Variants in LINGO2 observed in about 807,000 individuals in gnomAD.
LINGO2 encodes leucine rich repeat and Ig domain containing 2.
In LINGO2, 14 loss-of-function variants were observed where a neutral mutation model predicts 30.6. That is an observed-to-expected ratio of 0.46 (90% confidence interval 0.30 to 0.72). LINGO2 has a LOEUF of 0.72. Ranked by LOEUF, LINGO2 falls within the 30% of genes least tolerant of loss-of-function variation. LINGO2 has a pLI of 0.07. For missense variants in LINGO2, 729 were observed against 751.7 expected (o/e 0.97, Z 0.35); for synonymous variants, 317 against 288.5 (o/e 1.10, Z -1.00).
intron 3 of LINGO2, among the ~76,000 whole-genome samples, chr9:28,305,833 G>C (rs1165937601): frequency 6.6e-6 from 1 of 151,878 alleles, no homozygotes; most frequent in Admixed American, 6.6e-5. Context: ...CATTCATCTG[G>C]TCTTTAATTT....
At chr9:29,149,337 T>C in the LINGO2 span, among the ~76,000 whole-genome samples, 2 of 151,754 alleles carry the variant, frequency 1.3e-5, no homozygotes, top group Admixed American at 6.6e-5. Context: ...AATAAATAAA[T>C]AGGAGGAGAA....
intron 1 of LINGO2, among the ~76,000 whole-genome samples, chr9:28,550,201 T>C (rs902178009): frequency 5.3e-5 from 8 of 151,882 alleles, no homozygotes; most frequent in Admixed American, 3.3e-4. Context: ...CAGTTCTCAT[T>C]TTCACTACTT....
intron 1 of LINGO2, among the ~76,000 whole-genome samples, chr9:28,538,626 G>A (rs916274267): frequency 6.6e-6 from 1 of 152,176 alleles, no homozygotes; most frequent in African/African-American, 2.4e-5. Context: ...CAGAGGCTAC[G>A]AAGTCCAAGT....
chr9:29,117,376 T>A, the LINGO2 span, among the ~76,000 whole-genome samples: 1 of 152,142 alleles, frequency 6.6e-6, no homozygotes, highest in Non-Finnish European at 1.5e-5. Context: ...TCCACCATAG[T>A]CAATTTTATA....
At chr9:28,941,928 A>G in the LINGO2 span, among the ~76,000 whole-genome samples, 7 of 152,160 alleles carry the variant, frequency 4.6e-5, no homozygotes, top group Admixed American at 3.9e-4. Context: ...TAAGTTTAAC[A>G]CCTGAAAGAA....
chr9:28,448,243 G>T (rs1824506007), intron 2 of LINGO2, among the ~76,000 whole-genome samples: 1 of 152,108 alleles, frequency 6.6e-6, no homozygotes, highest in Non-Finnish European at 1.5e-5. Flanking sequence ...ATACTTTCTG[G>T]GTTGACAGCA....
the LINGO2 span, chr9:27,938,590 G>A: frequency 3.3e-5 from 5 of 152,276 alleles, no homozygotes; most frequent in East Asian, 9.7e-4. Flanking sequence ...CCTGAGAGTG[G>A]ATCATTAAAG....
At chr9:28,545,194 T>C (rs1432251679) in intron 1 of LINGO2, among the ~76,000 whole-genome samples, 1 of 152,074 alleles carries the variant, frequency 6.6e-6, no homozygotes, top group Non-Finnish European at 1.5e-5. Flanking sequence ...CCGATAAGGA[T>C]TTTAACTGAA....
the LINGO2 span, among the ~76,000 whole-genome samples, chr9:28,733,889 C>G: frequency 6.6e-6 from 1 of 152,004 alleles, no homozygotes; most frequent in Non-Finnish European, 1.5e-5. Context: ...CGATTTTGCC[C>G]TAAGTACTAT....
chr9:28,753,627 A>C, the LINGO2 span, among the ~76,000 whole-genome samples: 2 of 152,078 alleles, frequency 1.3e-5, no homozygotes, highest in Non-Finnish European at 2.9e-5. Context: ...ACCCGAAACA[A>C]GAAAGTAAAT....
intron 4 of LINGO2, among the ~76,000 whole-genome samples, chr9:28,189,832 G>A (rs1471145081): frequency 1.3e-5 from 2 of 152,198 alleles, no homozygotes; most frequent in East Asian, 1.9e-4. Context: ...CAGCCACTCT[G>A]GTTCTGTGTG....
At chr9:28,794,260 C>T in the LINGO2 span, among the ~76,000 whole-genome samples, 3 of 152,138 alleles carry the variant, frequency 2.0e-5, no homozygotes, top group Non-Finnish European at 2.9e-5. Context: ...GCCGAGATCG[C>T]GCCACTGCAC....
At chr9:28,032,043 G>C (rs1032306235) in intron 4 of LINGO2, among the ~76,000 whole-genome samples, 10 of 101,176 alleles carry the variant, frequency 9.9e-5, no homozygotes, top group South Asian at 3.8e-4. Flanking sequence ...ATGAGGGGTG[G>C]GGGGGGAAAG....
chr9:28,570,666 T>C (rs772693568), intron 1 of LINGO2, among the ~76,000 whole-genome samples: 2 of 151,764 alleles, frequency 1.3e-5, no homozygotes, highest in Non-Finnish European at 3.0e-5. Context: ...CTGTTTTTGT[T>C]GTGGGAATTC....
At position 27,950,469 on chromosome 9, in the gene LINGO2, C is replaced by T. The variant is rs778902644; in HGVS notation, c.203G>A (p.Arg68Lys). 4.4e-6 allele frequency: 7 copies of T among 1,606,060 alleles called. No homozygotes were observed. In the East Asian group the frequency reaches 1.3e-4, roughly 31 times the overall value. Residue 68 changes from arginine (R) to lysine (K), a missense_variant, in exon 6 of 6, where the codon AGG becomes AAG. Coordinates refer to ENST00000379992, the Ensembl canonical transcript of LINGO2. ...TTCTTCAGGGTTGACGCTTTTTAGC[C>T]TGTTTTTACTGAGGTCCAAGATTTT... is the stretch of plus-strand genomic sequence containing the variant.
At chr9:27,970,127 G>GTAGAGTGAC (rs1380141191) in intron 5 of LINGO2, among the ~76,000 whole-genome samples, 5 of 152,184 alleles carry the variant, frequency 3.3e-5, no homozygotes, top group African/African-American at 1.2e-4. Flanking sequence ...TTTTCTACAA[G>GTAGAGTGAC]TAGAGTGACC....
the LINGO2 span, among the ~76,000 whole-genome samples, chr9:28,739,530 T>C: frequency 2.0e-5 from 3 of 151,740 alleles, no homozygotes; most frequent in Admixed American, 2.0e-4. Flanking sequence ...CAGCAAATAA[T>C]AATACAACAG....
chr9:28,915,206 A>T, the LINGO2 span, among the ~76,000 whole-genome samples: 1 of 152,222 alleles, frequency 6.6e-6, no homozygotes, highest in African/African-American at 2.4e-5. Flanking sequence ...CAGAAAGCTC[A>T]GGAAAAGTAC....
At chr9:27,991,951 ACT>A (rs1176519099) in intron 5 of LINGO2, among the ~76,000 whole-genome samples, 3 of 151,736 alleles carry the variant, frequency 2.0e-5, no homozygotes, top group Non-Finnish European at 4.4e-5. Context: ...TTTCCACAAG[ACT>A]CTAGTTGTCA....
Sources: allele counts gnomAD v4.1 joint callset (sites outside exome capture counted in the v4.1 genomes callset), GRCh38; gene constraint gnomAD v4.1.1; transcripts MANE v1.5; gene names NCBI Gene and HGNC (gene_info 2026-07-23, HGNC 2026-07-21).